Variants in CAB39 observed in about 807,000 individuals in gnomAD.
CAB39 encodes the protein calcium-binding protein 39.
In CAB39, 8 loss-of-function variants were observed where a neutral mutation model predicts 40.0. The observed-to-expected ratio is 0.20, with a 90% confidence interval of 0.12 to 0.36. The LOEUF (loss-of-function observed/expected upper bound fraction) is 0.36, where lower values mean the gene tolerates loss of function less well. Ranked by LOEUF, CAB39 falls within the 10% of genes least tolerant of loss-of-function variation. CAB39 has a pLI of 1.00. For synonymous variants in CAB39, 156 were observed against 141.6 expected (o/e 1.10, Z -0.72); for missense variants, 270 against 401.1 (o/e 0.67, Z 2.79).
chr2:230,758,261 C>G lies in CAB39; in HGVS notation c.-43-1698C>G, dbSNP rs531484604. 1.0e-4 allele frequency among the ~76,000 whole-genome samples: 15 copies of G among 146,074 alleles called. No homozygotes were observed. In the East Asian group the frequency reaches 3.0e-3, roughly 29 times the overall value. ...GAGATTACAGTGAGCCAAGATTGCG[C>G]TGCTGCACTCCAACCTGGGTGACAC... On this transcript the variant is annotated intron_variant, in intron 1 of 8. Coordinates refer to ENST00000258418, the MANE Select transcript of CAB39 (RefSeq NM_016289.4).
intron 1 of CAB39, among the ~76,000 whole-genome samples, chr2:230,725,889 G>A (rs1015749328): frequency 1.3e-5 from 2 of 152,156 alleles, no homozygotes; most frequent in Admixed American, 1.3e-4. Flanking sequence ...GGAAAAGATG[G>A]AATCTACAAA....
chr2:230,772,812 C>T (rs1209165719), intron 2 of CAB39, among the ~76,000 whole-genome samples: 3 of 151,928 alleles, frequency 2.0e-5, no homozygotes, highest in Non-Finnish European at 2.9e-5. Flanking sequence ...AAACCAAACT[C>T]GAACCAACCA....
At chr2:230,805,100 A>G (rs1007550280) in intron 5 of CAB39, among the ~76,000 whole-genome samples, 1 of 152,152 alleles carries the variant, frequency 6.6e-6, no homozygotes, top group African/African-American at 2.4e-5. Flanking sequence ...CTTTGTAGCG[A>G]CATGGATGAA....
At chr2:230,798,638 G>A in intron 4 of CAB39, 91 bp from the exon 5 acceptor site, 2 of 1,074,610 alleles carry the variant, frequency 1.9e-6, no homozygotes, top group Non-Finnish European at 2.7e-6. Flanking sequence ...TCTGAAAACT[G>A]TCTTTGGCCT....
At chr2:230,739,270 G>A (rs1694836539) in intron 1 of CAB39, among the ~76,000 whole-genome samples, 1 of 152,198 alleles carries the variant, frequency 6.6e-6, no homozygotes, top group African/African-American at 2.4e-5. Flanking sequence ...TTAAAATACA[G>A]TGCTAATTTG....
intron 2 of CAB39, among the ~76,000 whole-genome samples, chr2:230,763,651 AAAG>A (rs1439965661): frequency 6.6e-6 from 1 of 152,116 alleles, no homozygotes; most frequent in African/African-American, 2.4e-5. Flanking sequence ...TAATTAGAAA[AAAG>A]AGCAGTATTT....
chr2:230,795,529 G>A (rs186576296), intron 4 of CAB39, among the ~76,000 whole-genome samples: 11 of 151,496 alleles, frequency 7.3e-5, no homozygotes, highest in African/African-American at 2.4e-4. Context: ...TTCACTTTGA[G>A]GGGGGCAAAA....
chr2:230,788,003 A>T (rs1458985954), intron 2 of CAB39, among the ~76,000 whole-genome samples: 2 of 152,202 alleles, frequency 1.3e-5, no homozygotes, highest in African/African-American at 4.8e-5. Flanking sequence ...AGGTAAAGTC[A>T]TGTGATTTGA....
rs771562689 is a variant in CAB39 at position 230,790,931 on chromosome 2, T to C, written c.174T>C (p.Asn58=). ...TGAAAGAAATTCTGTATGGCACAAATGAAAAAGAGCCTCAGACAGAAGCAG... is the reference window on the plus strand; with the variant it reads ...TGAAAGAAATTCTGTATGGCACAAACGAAAAAGAGCCTCAGACAGAAGCAG... ...VAMKEILYGT[N]EKEPQTEAVA... The change falls in exon 3 of 9, where the codon AAT becomes AAC. Residue 58 remains asparagine, a synonymous_variant. Transcript: ENST00000258418. 5.6e-6 allele frequency: 9 copies of C among 1,613,248 alleles called. No homozygotes were observed. Among genetic ancestry groups the C allele is most frequent in the Non-Finnish European group, 7.6e-6 (9 of 1,179,588 alleles).
chr2:230,791,205 G>A (rs1306144475), intron 3 of CAB39, among the ~76,000 whole-genome samples, 169 bp downstream of exon 3: 1 of 152,194 alleles, frequency 6.6e-6, no homozygotes, highest in East Asian at 1.9e-4. Flanking sequence ...GCAAAGGCAG[G>A]AACCCAGGGG....
At chr2:230,727,481 C>T (rs185370205) in intron 1 of CAB39, among the ~76,000 whole-genome samples, 1 of 146,054 alleles carries the variant, frequency 6.8e-6, no homozygotes, top group Admixed American at 7.1e-5. Flanking sequence ...GTGGCGCAGT[C>T]TTGGCTCACT....
chr2:230,777,826 GTACT>G (rs1229077614), intron 2 of CAB39, among the ~76,000 whole-genome samples: 40 of 152,176 alleles, frequency 2.6e-4, no homozygotes, highest in Admixed American at 2.6e-3. Context: ...AACACTGCAT[GTACT>G]TACCTTTGTG....
At chr2:230,782,939 A>G (rs1235173628) in intron 2 of CAB39, among the ~76,000 whole-genome samples, 1 of 150,770 alleles carries the variant, frequency 6.6e-6, no homozygotes, top group East Asian at 1.9e-4. Flanking sequence ...CAGCCTCCTG[A>G]GTAGCTGGCA....
intron 1 of CAB39, among the ~76,000 whole-genome samples, chr2:230,754,399 C>T (rs769209585): frequency 6.9e-5 from 10 of 144,480 alleles, no homozygotes; most frequent in Admixed American, 2.1e-4. Context: ...CCTTCTTCCC[C>T]TTCCCCTCCT....
chr2:230,768,963 T>C (rs1695436075), intron 2 of CAB39, among the ~76,000 whole-genome samples: 1 of 152,198 alleles, frequency 6.6e-6, no homozygotes, highest in African/African-American at 2.4e-5. Context: ...ACAGAGATTG[T>C]CAGATTGGAT....
chr2:230,768,758 T>G (rs1457541073), intron 2 of CAB39, among the ~76,000 whole-genome samples: 2 of 152,148 alleles, frequency 1.3e-5, no homozygotes. Context: ...TGACTCTGTA[T>G]GTAAAAAAAC....
rs1695304502 is a variant in CAB39, at chr2:230,762,044, A to T, written c.114+1929A>T. ...TGTCCCAGACTCCAGAGTAGCTGGG[A>T]CTACAGGTGCGTACCACCATGTCCG... On this transcript the variant is annotated intron_variant, in intron 2 of 8. Transcript: ENST00000258418. 4.6e-5 allele frequency among the ~76,000 whole-genome samples: 7 copies of T among 152,080 alleles called. No individual in the cohort carries two copies. The South Asian group carries it at 1.5e-3, about 32-fold the overall frequency.
chr2:230,796,883 CA>C (rs1228712917), intron 4 of CAB39, among the ~76,000 whole-genome samples: 20 of 152,088 alleles, frequency 1.3e-4, no homozygotes, highest in African/African-American at 4.3e-4. Context: ...CAGGAATGAA[CA>C]TAACATGATT....
At chr2:230,799,187 A>G (rs1193211833) in intron 5 of CAB39, 4 of 247,442 alleles carry the variant, frequency 1.6e-5, no homozygotes, top group African/African-American at 3.2e-5. Context: ...CATATGTAAC[A>G]ACCAGGTTTT....
Sources: gnomAD v4.1 joint callset for allele counts (sites outside exome capture counted in the v4.1 genomes callset) on GRCh38, gnomAD v4.1.1 for gene constraint, MANE v1.5 for transcripts, NCBI Gene and HGNC (gene_info 2026-07-23, HGNC 2026-07-21) for gene names.